PIK3R5: variants seen among roughly 807,000 people sequenced by gnomAD.
PIK3R5 encodes the protein phosphoinositide 3-kinase regulatory subunit 5.
PIK3R5 carries 32 observed loss-of-function variants against 94.9 expected under a neutral mutation model. The observed-to-expected ratio is 0.34, with a 90% CI of 0.25 to 0.45. The LOEUF is 0.45. Among genes scored for constraint, PIK3R5 ranks in the 20% least tolerant of loss-of-function variants. The probability of loss-of-function intolerance (pLI) is 1.00; values close to 1 mark genes in which losing one functional copy is unlikely to be tolerated. For missense variants in PIK3R5, 853 were observed against 1,144.6 expected (o/e 0.75, Z 3.68); for synonymous variants, 443 against 479.4 (o/e 0.92, Z 0.99).
rs751766838 is a variant in PIK3R5, at chr17:8,887,681, C to T, written c.1619G>A (p.Arg540Gln). The change falls in exon 11 of 19, where the codon CGG becomes CAG. Residue 540 changes from arginine (R) to glutamine (Q), a missense_variant and splice_region_variant. Physicochemically the swap from Arg to Gln is conservative, Grantham distance 43. Coordinates refer to ENST00000447110, the MANE Select transcript of PIK3R5 (RefSeq NM_001142633.3). ...GAGGAGTGGGCGATTGTTCTCCAGCCGCCTGGCAAGAAGAAGATGGTGAGA... is the reference window on the plus strand; with the variant it reads ...GAGGAGTGGGCGATTGTTCTCCAGCTGCCTGGCAAGAAGAAGATGGTGAGA... ...KVARAYSNLR[R>Q]LENNRPLLTR... The T allele has an allele frequency of 1.2e-5, 19 of 1,591,878 alleles. No individual in the cohort carries two copies. The highest frequency in any genetic ancestry group is 1.5e-5 in the Non-Finnish European group (17 of 1,169,126).
chr17:8,891,177 T>G (rs2090014809), intron 6 of PIK3R5, among the ~76,000 whole-genome samples: 1 of 152,260 alleles, frequency 6.6e-6, no homozygotes, highest in South Asian at 2.1e-4. Flanking sequence ...ACTTAATTCT[T>G]TAAAACTAAA....
chr17:8,887,499 T>C (rs1361989093), intron 11 of PIK3R5, 22 bp downstream of exon 11: 6 of 1,592,058 alleles, frequency 3.8e-6, no homozygotes, highest in Admixed American at 1.7e-5. Flanking sequence ...TCCCCGACCA[T>C]TGGCCCAGGC....
intron 6 of PIK3R5, among the ~76,000 whole-genome samples, chr17:8,891,237 A>T (rs1270620862): frequency 6.6e-6 from 1 of 152,250 alleles, no homozygotes; most frequent in Non-Finnish European, 1.5e-5. Flanking sequence ...AGCTGAGTGG[A>T]TGCAAGATTA....
At position 8,884,959 on chromosome 17, in the gene PIK3R5, T is replaced by A. The variant is rs1597371670; in HGVS notation, c.2129-176A>T. The A allele has an allele frequency of 1.6e-6, 1 of 609,790 alleles. No homozygotes were observed. The highest frequency in any genetic ancestry group is 2.8e-5 in the East Asian group (1 of 35,208). 37.8% of individuals were successfully genotyped at this position (609,790 alleles called of 1,614,324 possible). On this transcript the variant is annotated intron_variant, in intron 14 of 18. Coordinates refer to ENST00000447110, the MANE Select transcript of PIK3R5 (RefSeq NM_001142633.3). This position sits in a 1 kb window ranked among gnomAD's most constrained non-coding sequence, Gnocchi z 5.8. ...TCTCTCTGGCTCCACGTTCTGGGGATCTCCACCTCCTCAGTGACCCCATCA... is the reference window on the plus strand; with the variant it reads ...TCTCTCTGGCTCCACGTTCTGGGGAACTCCACCTCCTCAGTGACCCCATCA...
In PIK3R5 at chr17:8,923,743, A is replaced by G. The variant is rs1206151966; in HGVS notation, c.-13-12236T>C. On this transcript the variant is annotated intron_variant, in intron 1 of 18. Transcript: ENST00000447110. ...CCATCTTAATGGTTAGACAATGTGC[A>G]CAGGAGAATAAAGCAGCAAATGAAT... Among the ~76,000 whole-genome samples the G allele has an allele frequency of 3.3e-5, 5 of 152,350 alleles. No homozygotes were observed. The East Asian group carries it at 9.6e-4, about 29-fold the overall frequency.
At chr17:8,919,828 TTCCTC>T (rs373591842) in intron 1 of PIK3R5, among the ~76,000 whole-genome samples, 1 of 151,796 alleles carries the variant, frequency 6.6e-6, no homozygotes, top group Non-Finnish European at 1.5e-5. Context: ...CAGAGTTTCC[TTCCTC>T]TCCTCTCCTT....
intron 1 of PIK3R5, among the ~76,000 whole-genome samples, chr17:8,926,782 G>T (rs1009709836): frequency 2.0e-5 from 3 of 152,098 alleles, no homozygotes; most frequent in African/African-American, 7.2e-5. Flanking sequence ...ACCCAACATG[G>T]TTACACGTCC....
chr17:8,936,508 C>T (rs1446639106), intron 1 of PIK3R5, among the ~76,000 whole-genome samples: 1 of 152,180 alleles, frequency 6.6e-6, no homozygotes, highest in Non-Finnish European at 1.5e-5. Flanking sequence ...TGGGATTATA[C>T]AGTATGTAGT....
Position 8,881,916 on chromosome 17 carries a change from A to G in PIK3R5, c.2206-35T>C. ...CAGTGTAGCCAGACCCTCTGAGTCC[A>G]GAGGCCCCGGTGCCTGCTGCCTTCT... On this transcript the variant is annotated intron_variant, in intron 15 of 18. Transcript: ENST00000447110. The surrounding 1 kb of genome is among the most constrained non-coding windows in gnomAD (Gnocchi z 4.8). The G allele has an allele frequency of 6.5e-7, 1 of 1,545,308 alleles. No homozygotes were observed. Among genetic ancestry groups the G allele is most frequent in the Admixed American group, 1.7e-5 (1 of 57,392 alleles).
chr17:8,882,539 CT>C lies in PIK3R5; in HGVS notation c.2206-659del. The C allele has an allele frequency of 6.5e-6, 1 of 153,812 alleles. No individual in the cohort carries two copies. The highest frequency in any genetic ancestry group is 1.4e-5 in the Non-Finnish European group (1 of 69,172). The allele number at this position is 153,812 out of a possible 1,614,324, so 9.5% of individuals were successfully genotyped here. On this transcript the variant is annotated intron_variant, in intron 15 of 18. Coordinates refer to ENST00000447110, the MANE Select transcript of PIK3R5 (RefSeq NM_001142633.3). The surrounding 1 kb of genome is among the most constrained non-coding windows in gnomAD (Gnocchi z 4.1). ...CCCCTTCAGGAGTCTCCTCCGTGACCTTTTTCCATTAGCAGCTGTCCACCCA... is the reference window on the plus strand; with the variant it reads ...CCCCTTCAGGAGTCTCCTCCGTGACCTTTTCCATTAGCAGCTGTCCACCCA...
chr17:8,891,324 G>A (rs1375064055), intron 6 of PIK3R5, among the ~76,000 whole-genome samples: 1 of 152,226 alleles, frequency 6.6e-6, no homozygotes, highest in Non-Finnish European at 1.5e-5. Context: ...GGACAGCAAC[G>A]TGGTGCTGTG....
rs984695544 is a variant in PIK3R5 at position 8,909,589 on chromosome 17, G to A, written c.104-415C>T. Among the ~76,000 whole-genome samples, 2 of 152,176 alleles carry A rather than the reference G, an allele frequency of 1.3e-5. No individual in the cohort carries two copies. The highest frequency in any genetic ancestry group is 4.8e-5 in the African/African-American group (2 of 41,454). On this transcript the variant is annotated intron_variant, in intron 2 of 18. Coordinates refer to ENST00000447110, the MANE Select transcript of PIK3R5 (RefSeq NM_001142633.3). The surrounding 1 kb of genome is among the most constrained non-coding windows in gnomAD (Gnocchi z 4.3). ...GGCGTGAGCCACTGCACCCGGCCTGGAACACTCCTTTCTAAAGTAAGTGAA... is the reference window on the plus strand; with the variant it reads ...GGCGTGAGCCACTGCACCCGGCCTGAAACACTCCTTTCTAAAGTAAGTGAA...
intron 1 of PIK3R5, among the ~76,000 whole-genome samples, chr17:8,962,095 A>G (rs8066488): frequency 0.032 from 4,906 of 152,314 alleles, 245 homozygotes; most frequent in African/African-American, 0.11. Context: ...ATTCTGGTTA[A>G]GAGCAGACGC....
chr17:8,935,372 T>G lies in PIK3R5; in HGVS notation c.-13-23865A>C, dbSNP rs1489786401. On this transcript the variant is annotated intron_variant, in intron 1 of 18. Coordinates refer to ENST00000447110, the MANE Select transcript of PIK3R5 (RefSeq NM_001142633.3). This position sits in a 1 kb window ranked among gnomAD's most constrained non-coding sequence, Gnocchi z 4.5. Reference sequence around the variant, plus strand: ...AGCAATAGGGGATATTCCTCTGGCTTCAAGGGGAAATCACGTCTATTGCAA... The same window carrying G: ...AGCAATAGGGGATATTCCTCTGGCTGCAAGGGGAAATCACGTCTATTGCAA... 3.3e-5 allele frequency among the ~76,000 whole-genome samples: 5 copies of G among 152,132 alleles called. No individual in the cohort carries two copies.
intron 15 of PIK3R5, among the ~76,000 whole-genome samples, chr17:8,883,853 T>C (rs1350072818): frequency 1.3e-5 from 2 of 152,188 alleles, no homozygotes; most frequent in Admixed American, 1.3e-4. Context: ...CTCCAGGGCC[T>C]AGAACAGTGC....
rs59391672 is a variant in PIK3R5, at chr17:8,909,724, G to C, written c.104-550C>G. On this transcript the variant is annotated intron_variant, in intron 2 of 18. Transcript: ENST00000447110. The surrounding 1 kb of genome is among the most constrained non-coding windows in gnomAD (Gnocchi z 4.3). ...AGAGACACAGGGATTGGAGATGCAG[G>C]CTGGGAAGCCCTTTAGAGGACAATG... Among the ~76,000 whole-genome samples, 1,822 of 152,320 alleles carry C rather than the reference G, an allele frequency of 0.012. 35 individuals carry two copies. Among genetic ancestry groups the C allele is most frequent in the African/African-American group, 0.041 (1,693 of 41,562 alleles).
chr17:8,927,154 G>A (rs1308722648), intron 1 of PIK3R5, among the ~76,000 whole-genome samples: 2 of 152,136 alleles, frequency 1.3e-5, no homozygotes, highest in Non-Finnish European at 2.9e-5. Context: ...CCAGCAATCT[G>A]AAAAAATGGG....
At chr17:8,961,256 A>C (rs1472453841) in intron 1 of PIK3R5, among the ~76,000 whole-genome samples, 2 of 152,184 alleles carry the variant, frequency 1.3e-5, no homozygotes, top group African/African-American at 4.8e-5. Context: ...CAGGAGAGGA[A>C]GAAGGAGGGG....
At chr17:8,898,003 A>T (rs429558) in intron 5 of PIK3R5, among the ~76,000 whole-genome samples, 86,075 of 151,872 alleles carry the variant, frequency 0.57, 24,763 homozygotes, top group Non-Finnish European at 0.6. Context: ...TTTAAGGCAT[A>T]GTTGTTTGGG....
Sources: gnomAD v4.1 joint callset for allele counts (sites outside exome capture counted in the v4.1 genomes callset) on GRCh38, gnomAD v4.1.1 for gene constraint, Gnocchi (gnomAD v3.1) non-coding constraint, MANE v1.5 for transcripts, NCBI Gene and HGNC (gene_info 2026-07-23, HGNC 2026-07-21) for gene names.